PGM1: variants seen among roughly 807,000 people sequenced by gnomAD.
The protein encoded by PGM1 is phosphoglucomutase 1, also known as phosphoglucomutase-1.
PGM1 carries 52 observed loss-of-function variants against 55.6 expected under a neutral mutation model. The ratio of observed to expected loss-of-function variants is 0.94; its 90% CI spans 0.75 to 1.18. PGM1 has a LOEUF of 1.18. PGM1 is among the 50% of genes most tolerant of loss of function. PGM1 has a pLI of 0.00. For synonymous variants in PGM1, 287 were observed against 271.7 expected, an observed-to-expected ratio of 1.06 and a Z score of -0.55; for missense variants, 724 against 729.3, an observed-to-expected ratio of 0.99 and a Z score of 0.08.
At position 63,648,580 on chromosome 1, in the gene PGM1, CCACCCGCAA is replaced by C. The variant is rs1649717666; in HGVS notation, c.1209_1217del (p.Thr404_Lys406del). On this transcript the variant is annotated inframe_deletion, in exon 8 of 11. Coordinates refer to ENST00000371084, the MANE Select transcript of PGM1 (RefSeq NM_002633.3). The stretch of plus-strand genomic sequence containing the variant: ...GTCCTTGCCTGGCTCTCCATCCTAG[CCACCCGCAA>C]GCAGAGTGTGGAGGACATTCTCAAA... 4 of 1,613,974 alleles carry C rather than the reference CCACCCGCAA, an allele frequency of 2.5e-6. No homozygotes were observed. The African/African-American group carries it at 5.3e-5, about 22-fold the overall frequency.
intron 1 of PGM1, among the ~76,000 whole-genome samples, chr1:63,606,373 C>G (rs905588589): frequency 6.6e-6 from 1 of 152,118 alleles, no homozygotes; most frequent in Non-Finnish European, 1.5e-5. Context: ...GTAATGGAAC[C>G]CTTCCTTTCA....
At position 63,651,668 on chromosome 1, in the gene PGM1, G is replaced by C; in HGVS notation, c.1281-1G>C. 1 of 1,613,364 alleles carries C rather than the reference G, an allele frequency of 6.2e-7. No individual in the cohort carries two copies. Among genetic ancestry groups the C allele is most frequent in the Non-Finnish European group, 8.5e-7 (1 of 1,179,574 alleles). On this transcript the variant is annotated splice_acceptor_variant, in intron 8 of 10. Coordinates refer to ENST00000371084, the MANE Select transcript of PGM1 (RefSeq NM_002633.3). LOFTEE classifies it high-confidence loss of function. Reference sequence around the variant, plus strand: ...GGCCTCAACTTCGTGACTTCTTCCAGGTATGATTACGAGGAGGTGGAAGCT... The same window carrying C: ...GGCCTCAACTTCGTGACTTCTTCCACGTATGATTACGAGGAGGTGGAAGCT...
chr1:63,603,565 A>G (rs1648301494), intron 1 of PGM1, among the ~76,000 whole-genome samples: 1 of 152,226 alleles, frequency 6.6e-6, no homozygotes. Flanking sequence ...ACAGAATCGT[A>G]AGACCAGATG....
intron 1 of PGM1, among the ~76,000 whole-genome samples, chr1:63,626,485 A>C (rs1188782403): frequency 6.6e-6 from 1 of 152,142 alleles, no homozygotes; most frequent in Non-Finnish European, 1.5e-5. Context: ...GTCCTTTTGC[A>C]TCTGGCTTAT....
chr1:63,611,811 G>A (rs1305870126), intron 1 of PGM1, among the ~76,000 whole-genome samples: 1 of 152,176 alleles, frequency 6.6e-6, no homozygotes, highest in African/African-American at 2.4e-5. Context: ...GCTGAGGCAG[G>A]AGAATCGCTT....
intron 1 of PGM1, among the ~76,000 whole-genome samples, chr1:63,626,273 C>A (rs1198392356): frequency 6.6e-6 from 1 of 152,142 alleles, no homozygotes; most frequent in African/African-American, 2.4e-5. Flanking sequence ...GCATTAATTA[C>A]ACTCACAATG....
At chr1:63,638,639 G>A (rs1382060264) in intron 6 of PGM1, 46 bp from the exon 7 acceptor site, 7 of 1,309,994 alleles carry the variant, frequency 5.3e-6, no homozygotes, top group Admixed American at 1.7e-5. Flanking sequence ...ACATGGCCAC[G>A]CTAACAGTCC....
chr1:63,633,902 G>A (rs55887917), intron 4 of PGM1, among the ~76,000 whole-genome samples: 10 of 38,990 alleles, frequency 2.6e-4, no homozygotes, highest in South Asian at 9.1e-4. Flanking sequence ...GTGTGTGTGT[G>A]TGTGTGTGTG....
chr1:63,594,918 G>A (rs1421435878), intron 1 of PGM1, among the ~76,000 whole-genome samples: 18 of 136,048 alleles, frequency 1.3e-4, no homozygotes, highest in Non-Finnish European at 2.3e-4. Flanking sequence ...CTGAGATCCC[G>A]CCACTGCACT....
chr1:63,657,376 AGTT>A (rs35235900), intron 10 of PGM1, among the ~76,000 whole-genome samples: 9,270 of 152,210 alleles, frequency 0.061, 314 homozygotes, highest in African/African-American at 0.1. Flanking sequence ...TACTTCATCT[AGTT>A]GTTACCGGGG....
intron 1 of PGM1, among the ~76,000 whole-genome samples, chr1:63,617,201 G>A (rs1648737477): frequency 6.6e-6 from 1 of 152,186 alleles, no homozygotes; most frequent in South Asian, 2.1e-4. Flanking sequence ...GAGAAGGGGA[G>A]GAAGTGTTCT....
intron 7 of PGM1, among the ~76,000 whole-genome samples, chr1:63,647,461 T>C (rs1252599037): frequency 6.7e-6 from 1 of 148,834 alleles, no homozygotes. Flanking sequence ...CAGTGTTTTC[T>C]TTTATGAATA....
chr1:63,596,132 T>C (rs1648058392), intron 1 of PGM1, among the ~76,000 whole-genome samples: 1 of 152,158 alleles, frequency 6.6e-6, no homozygotes. Context: ...TGTAAAGTTC[T>C]TCCTCCCTTG....
chr1:63,644,848 G>A (rs1193314905), intron 7 of PGM1, among the ~76,000 whole-genome samples: 1 of 152,194 alleles, frequency 6.6e-6, no homozygotes, highest in Non-Finnish European at 1.5e-5. Context: ...TTTATCTGCT[G>A]AGCCACAGAA....
chr1:63,594,051 C>G (rs1647960541), intron 1 of PGM1: 6 of 1,080,822 alleles, frequency 5.6e-6, no homozygotes, highest in Non-Finnish European at 6.7e-6. Context: ...CTCCCCGTCC[C>G]CCGCCCCTCC....
rs1287007638 is a variant in PGM1 at position 63,660,004 on chromosome 1, G to C, written c.*329G>C. 2.4e-6 allele frequency: 1 copy of C among 424,050 alleles called. No individual in the cohort carries two copies. Among genetic ancestry groups the C allele is most frequent in the Non-Finnish European group, 4.4e-6 (1 of 226,954 alleles). 26.3% of individuals were successfully genotyped at this position (424,050 alleles called of 1,614,324 possible). A position where few individuals can be genotyped will look rare whatever the true frequency, so the allele number is the denominator to read the frequency against. On this transcript the variant is annotated 3_prime_UTR_variant, in exon 11 of 11. Coordinates refer to ENST00000371084, the MANE Select transcript of PGM1 (RefSeq NM_002633.3). ...TAGGTGGAGCATCAGCAGTGAGTGA[G>C]GCCATTCTTCATCCTTAGGATGTGG... is the stretch of plus-strand genomic sequence containing the variant.
Position 63,597,599 on chromosome 1 carries a change from A to G in PGM1, c.246+3865A>G, listed in dbSNP as rs540062315. The stretch of plus-strand genomic sequence containing the variant: ...GTCAGAGCCCAATTGGGTACAAATG[A>G]CAAAAACCTTACTTGGATTACTCCA... On this transcript the variant is annotated intron_variant, in intron 1 of 10. Transcript: ENST00000371084. Among the ~76,000 whole-genome samples the G allele has an allele frequency of 7.6e-4, 116 of 152,330 alleles. 1 individual carries two copies. The highest frequency in any genetic ancestry group is 2.8e-3 in the African/African-American group (115 of 41,578).
In PGM1 at chr1:63,658,360, T is replaced by A. The variant is rs79951363; in HGVS notation, c.1600-1226T>A. On this transcript the variant is annotated intron_variant, in intron 10 of 10. Transcript: ENST00000371084. ...CAGATTAGTAGTTTTTTTTTTTTTT[T>A]AATATTGAAAGCATTTATTAAGCAA... Among the ~76,000 whole-genome samples, 25 of 151,294 alleles carry A rather than the reference T, an allele frequency of 1.7e-4. No homozygotes were observed. In the South Asian group the frequency reaches 4.2e-3, roughly 25 times the overall value.
At chr1:63,607,890 G>A (rs1282370358) in intron 1 of PGM1, among the ~76,000 whole-genome samples, 4 of 152,142 alleles carry the variant, frequency 2.6e-5, no homozygotes, top group African/African-American at 9.7e-5. Context: ...CTAAAGCGAT[G>A]TAACAAGATT....
Sources: gnomAD v4.1 joint callset for allele counts (sites outside exome capture counted in the v4.1 genomes callset) on GRCh38, gnomAD v4.1.1 for gene constraint, MANE v1.5 for transcripts, NCBI Gene and HGNC (gene_info 2026-07-23, HGNC 2026-07-21) for gene names.